Variants in CERS6 observed in about 807,000 individuals in gnomAD.
The protein encoded by CERS6 is LAG1 homolog, ceramide synthase 6.
CERS6 carries 26 observed loss-of-function variants against 56.8 expected under a neutral mutation model. The observed-to-expected ratio is 0.46, with a 90% CI of 0.34 to 0.63. CERS6 has a LOEUF of 0.63. Ranked by LOEUF, CERS6 falls within the 30% of genes least tolerant of loss-of-function variation. CERS6 has a pLI of 0.01. For missense variants in CERS6, 415 were observed against 467.5 expected, an observed-to-expected ratio of 0.89 and a Z score of 1.04; for synonymous variants, 164 against 173.3, an observed-to-expected ratio of 0.95 and a Z score of 0.42.
chr2:168,704,006 AG>A (rs1686870375), intron 6 of CERS6, among the ~76,000 whole-genome samples: 1 of 152,190 alleles, frequency 6.6e-6, no homozygotes, highest in Non-Finnish European at 1.5e-5. Flanking sequence ...GAAGAACAAT[AG>A]AACTATTGTC....
rs1361114511 is a variant in CERS6 at position 168,715,160 on chromosome 2, A to G, written c.738+31A>G. The G allele has an allele frequency of 1.9e-6, 3 of 1,594,854 alleles. No homozygotes were observed. The African/African-American group carries it at 4.1e-5, about 22-fold the overall frequency. ...AGTTTTCTTTCATCTTTAAGAATACAAAATCCAAAATTTAGGAAGTCCCCA... is the reference window on the plus strand; with the variant it reads ...AGTTTTCTTTCATCTTTAAGAATACGAAATCCAAAATTTAGGAAGTCCCCA... On this transcript the variant is annotated intron_variant, in intron 7 of 9. Transcript: ENST00000305747.
intron 8 of CERS6, among the ~76,000 whole-genome samples, chr2:168,758,392 G>T (rs1015409883): frequency 7.2e-5 from 11 of 152,176 alleles, no homozygotes; most frequent in African/African-American, 2.7e-4. Flanking sequence ...AGAAATCTTG[G>T]CTCTGGATAT....
At position 168,547,617 on chromosome 2, in the gene CERS6, C is replaced by G; in HGVS notation, c.192C>G (p.Ala64=). 6.2e-7 allele frequency: 1 copy of G among 1,613,724 alleles called. No individual in the cohort carries two copies. The highest frequency in any genetic ancestry group is 1.1e-5 in the South Asian group (1 of 91,064). The part of the protein sequence containing the change: ...IFERFVAKPC[A]IALNIQANGP... ...TTAGATTTGTAGCCAAACCGTGCGCCATAGCCCTCAACATTCAGGCCAATG... is the reference window on the plus strand; with the variant it reads ...TTAGATTTGTAGCCAAACCGTGCGCGATAGCCCTCAACATTCAGGCCAATG... The change falls in exon 2 of 10, where the codon GCC becomes GCG. Residue 64 remains alanine (A), a synonymous_variant. Transcript: ENST00000305747.
chr2:168,731,690 G>T (rs970708688), intron 8 of CERS6, among the ~76,000 whole-genome samples: 26 of 152,032 alleles, frequency 1.7e-4, no homozygotes, highest in African/African-American at 6.3e-4. Context: ...CTGGCATAAC[G>T]ATTTTAAATT....
At chr2:168,517,621 C>G (rs2105354302) in intron 1 of CERS6, among the ~76,000 whole-genome samples, 1 of 151,956 alleles carries the variant, frequency 6.6e-6, no homozygotes, top group South Asian at 2.1e-4. Flanking sequence ...GCTATTGAAG[C>G]CTTTAATGCC....
intron 1 of CERS6, among the ~76,000 whole-genome samples, chr2:168,527,567 G>A (rs1257148663): frequency 6.6e-6 from 1 of 152,116 alleles, no homozygotes; most frequent in Non-Finnish European, 1.5e-5. Flanking sequence ...TTAAGATCAG[G>A]CAGTGGCGGG....
At chr2:168,487,553 C>G (rs1003280320) in intron 1 of CERS6, among the ~76,000 whole-genome samples, 1 of 152,200 alleles carries the variant, frequency 6.6e-6, no homozygotes, top group Non-Finnish European at 1.5e-5. Context: ...AAGTCTCATA[C>G]AATTATAAGA....
chr2:168,583,255 T>A (rs1683461869), intron 3 of CERS6, among the ~76,000 whole-genome samples: 1 of 151,938 alleles, frequency 6.6e-6, no homozygotes, highest in African/African-American at 2.4e-5. Flanking sequence ...CAGGTACAAA[T>A]AAGTAGTGTG....
At chr2:168,561,382 T>C in intron 3 of CERS6, 60 bp downstream of exon 3, 1 of 1,599,854 alleles carries the variant, frequency 6.3e-7, no homozygotes, top group Non-Finnish European at 8.5e-7. Context: ...AACCCTGAGG[T>C]GAAAAATAAA....
At chr2:168,720,289 C>A (rs1687329739) in intron 8 of CERS6, among the ~76,000 whole-genome samples, 1 of 152,126 alleles carries the variant, frequency 6.6e-6, no homozygotes, top group African/African-American at 2.4e-5. Flanking sequence ...TATTTACAGT[C>A]TTTTAATTTA....
chr2:168,517,487 G>A (rs966711550), intron 1 of CERS6, among the ~76,000 whole-genome samples: 5 of 148,862 alleles, frequency 3.4e-5, no homozygotes, highest in Non-Finnish European at 5.9e-5. Context: ...GCAAGACACT[G>A]CCTCAAAAAA....
chr2:168,583,237 C>T (rs575348290), intron 3 of CERS6, among the ~76,000 whole-genome samples: 2 of 152,068 alleles, frequency 1.3e-5, no homozygotes, highest in East Asian at 1.9e-4. Flanking sequence ...ATGGGGAGGG[C>T]GTCGAGACAG....
rs753275937 is a variant in CERS6, at chr2:168,691,093, G to C, written c.516+9G>C. 6.2e-7 allele frequency: 1 copy of C among 1,612,148 alleles called. No homozygotes were observed. The highest frequency in any genetic ancestry group is 2.2e-5 in the East Asian group (1 of 44,852). ...ACAACTACCCCTATCAGGTAAGGAG[G>C]CATTATTGTCTGGGTTTTTACACAC... On this transcript the variant is annotated intron_variant, in intron 5 of 9. Transcript: ENST00000305747.
At chr2:168,637,863 T>C (rs1466993410) in intron 4 of CERS6, among the ~76,000 whole-genome samples, 1 of 152,154 alleles carries the variant, frequency 6.6e-6, no homozygotes, top group African/African-American at 2.4e-5. Context: ...GGAGGTTTTT[T>C]TCAATATATC....
At chr2:168,632,815 G>T (rs928822082) in intron 4 of CERS6, among the ~76,000 whole-genome samples, 2 of 152,148 alleles carry the variant, frequency 1.3e-5, no homozygotes, top group Admixed American at 6.6e-5. Flanking sequence ...TGGAATTCGT[G>T]CCTGGTTCTG....
At chr2:168,709,666 T>C (rs1687040559) in intron 6 of CERS6, among the ~76,000 whole-genome samples, 2 of 152,160 alleles carry the variant, frequency 1.3e-5, no homozygotes, top group African/African-American at 4.8e-5. Context: ...TCTCTCTCTT[T>C]AATTGCAGTT....
intron 1 of CERS6, among the ~76,000 whole-genome samples, chr2:168,517,890 A>G (rs1402215393): frequency 6.6e-6 from 1 of 152,196 alleles, no homozygotes; most frequent in Non-Finnish European, 1.5e-5. Context: ...GCGGATATAT[A>G]CAGATGGCAC....
Position 168,456,760 on chromosome 2 carries a change from T to G in CERS6, c.170+142T>G. The G allele has an allele frequency of 2.7e-6, 2 of 745,282 alleles. No homozygotes were observed. Among genetic ancestry groups the G allele is most frequent in the Non-Finnish European group, 4.3e-6 (2 of 462,134 alleles). The allele number at this position is 745,282 out of a possible 1,614,324, so 46.2% of individuals were successfully genotyped here. On this transcript the variant is annotated intron_variant, in intron 1 of 9. Transcript: ENST00000305747. The surrounding 1 kb of genome is among the most constrained non-coding windows in gnomAD (Gnocchi z 4.1). ...ACCTTTGTGTTCGGGGAGGGGTTGCTGACCCCCCTGCCCCGCTGGCTTTCT... is the reference window on the plus strand; with the variant it reads ...ACCTTTGTGTTCGGGGAGGGGTTGCGGACCCCCCTGCCCCGCTGGCTTTCT...
intron 1 of CERS6, among the ~76,000 whole-genome samples, chr2:168,517,629 G>A (rs1694907746): frequency 6.6e-6 from 1 of 152,026 alleles, no homozygotes; most frequent in Non-Finnish European, 1.5e-5. Context: ...AGCCTTTAAT[G>A]CCTCTTGGTT....
Sources: allele counts gnomAD v4.1 joint callset (sites outside exome capture counted in the v4.1 genomes callset), GRCh38; gene constraint gnomAD v4.1.1; non-coding constraint Gnocchi (gnomAD v3.1); transcripts MANE v1.5; gene names NCBI Gene and HGNC (gene_info 2026-07-23, HGNC 2026-07-21).